WWP2: variants seen among roughly 807,000 people sequenced by gnomAD.
WWP2 encodes the protein NEDD4-like E3 ubiquitin-protein ligase WWP2.
Under a neutral mutation model 121.0 loss-of-function variants are expected in WWP2, and 57 were observed. The ratio of observed to expected loss-of-function variants is 0.47; its 90% CI spans 0.38 to 0.59. The LOEUF is 0.59. Among genes scored for constraint, WWP2 ranks in the 20% least tolerant of loss-of-function variants. The probability of loss-of-function intolerance (pLI) is 0.00; values close to 1 mark genes in which losing one functional copy is unlikely to be tolerated. For synonymous variants in WWP2, 449 were observed against 441.3 expected (o/e 1.02, Z -0.22); for missense variants, 962 against 1,158.9 (o/e 0.83, Z 2.47).
intron 11 of WWP2, among the ~76,000 whole-genome samples, chr16:69,928,937 G>C (rs2058674273): frequency 6.6e-6 from 1 of 152,156 alleles, no homozygotes; most frequent in Admixed American, 6.5e-5. Context: ...AGGGTGCAGA[G>C]CACTGATCAG....
rs769333666 is a variant in WWP2 at position 69,939,920 on chromosome 16, G to C, written c.2593G>C (p.Glu865Gln). The C allele has an allele frequency of 3.7e-6, 6 of 1,613,798 alleles. No homozygotes were observed. The highest frequency in any genetic ancestry group is 5.1e-6 in the Non-Finnish European group (6 of 1,179,878). ...EKLLYAIEET[E>Q]GFGQE ...GCTGCTGTATGCCATTGAGGAGACC[G>C]AGGGCTTTGGACAGGAGTAACCGAG... The change falls in exon 24 of 24, where the codon GAG (glutamate) becomes CAG (glutamine). Residue 865 changes from glutamate (E) to glutamine (Q), a missense_variant. Transcript: ENST00000359154.
chr16:69,851,192 A>AT (rs1238806989), intron 6 of WWP2, among the ~76,000 whole-genome samples: 8 of 141,130 alleles, frequency 5.7e-5, no homozygotes, highest in Non-Finnish European at 1.2e-4. Flanking sequence ...TTTTTTTTGT[A>AT]TTTTTAGTAG....
At chr16:69,909,111 A>G (rs183367286) in intron 9 of WWP2, 21 of 1,165,558 alleles carry the variant, frequency 1.8e-5, no homozygotes, top group Non-Finnish European at 2.2e-5. Context: ...GCCGTACCCT[A>G]TGCCCAGCCT....
intron 1 of WWP2, among the ~76,000 whole-genome samples, chr16:69,769,006 T>G (rs1334297203): frequency 1.3e-5 from 2 of 152,192 alleles, no homozygotes; most frequent in Non-Finnish European, 2.9e-5. Context: ...GACAGAGCTT[T>G]TCCTTGCATA....
At chr16:69,771,388 A>G (rs2055412016) in intron 1 of WWP2, among the ~76,000 whole-genome samples, 1 of 152,154 alleles carries the variant, frequency 6.6e-6, no homozygotes, top group Non-Finnish European at 1.5e-5. Context: ...CTGGGATTAC[A>G]GGTGCCTGCC....
At chr16:69,923,320 T>A (rs200202528) in intron 10 of WWP2, among the ~76,000 whole-genome samples, 1 of 33,556 alleles carries the variant, frequency 3.0e-5, no homozygotes, top group Non-Finnish European at 7.0e-5. Flanking sequence ...GTTGGGGGGG[T>A]GGGGGGGGTG....
At position 69,925,829 on chromosome 16, in the gene WWP2, A is replaced by G. The variant is rs557448497; in HGVS notation, c.1234+345A>G. Among the ~76,000 whole-genome samples the G allele has an allele frequency of 6.6e-6, 1 of 152,276 alleles. No individual in the cohort carries two copies. The highest frequency in any genetic ancestry group is 1.9e-4 in the East Asian group (1 of 5,180). ...TCCATGCTACCACTAAGATATTTTG[A>G]CACTGCCTAACTCCCAAATGGATTT... On this transcript the variant is annotated intron_variant, in intron 11 of 23. Coordinates refer to ENST00000359154, the MANE Select transcript of WWP2 (RefSeq NM_001270454.2). The surrounding 1 kb of genome is among the most constrained non-coding windows in gnomAD (Gnocchi z 4.0).
chr16:69,939,062 G>A lies in WWP2; in HGVS notation c.2379G>A (p.Arg793=). ...VKEMDNEKRI[R]LLQFVTGTCR... ...AGATGGACAACGAGAAGAGGATCCG[G>A]CTGCTGCAGTTTGTCACCGGTACCT... is the stretch of plus-strand genomic sequence containing the variant. Residue 793 remains arginine (R), a synonymous_variant, in exon 22 of 24, where the codon CGG becomes CGA. Transcript: ENST00000359154. 1 of 1,607,204 alleles carries A rather than the reference G, an allele frequency of 6.2e-7. No individual in the cohort carries two copies. The highest frequency in any genetic ancestry group is 8.5e-7 in the Non-Finnish European group (1 of 1,176,536).
chr16:69,778,372 C>T (rs2151780113), intron 1 of WWP2, among the ~76,000 whole-genome samples: 1 of 151,974 alleles, frequency 6.6e-6, no homozygotes, highest in East Asian at 1.9e-4. Flanking sequence ...TCCAGCAAAG[C>T]TTATGCTCAC....
At chr16:69,907,901 G>A (rs1052054981) in intron 8 of WWP2, among the ~76,000 whole-genome samples, 3 of 152,182 alleles carry the variant, frequency 2.0e-5, no homozygotes, top group East Asian at 1.9e-4. Context: ...AAATAAATGT[G>A]AGCATGAATA....
chr16:69,840,109 C>T lies in WWP2; in HGVS notation c.341-17C>T. 1.2e-6 allele frequency: 2 copies of T among 1,614,058 alleles called. No individual in the cohort carries two copies. The highest frequency in any genetic ancestry group is 1.7e-6 in the Non-Finnish European group (2 of 1,179,902). ...CATTCTCTTTAGCCCATCCATGTTGCCTTTTGTACCCCACAGTGGAGAACA... is the reference window on the plus strand; with the variant it reads ...CATTCTCTTTAGCCCATCCATGTTGTCTTTTGTACCCCACAGTGGAGAACA... On this transcript the variant is annotated splice_polypyrimidine_tract_variant and intron_variant, in intron 4 of 23. Coordinates refer to ENST00000359154, the MANE Select transcript of WWP2 (RefSeq NM_001270454.2).
rs935057738 is a variant in WWP2, at chr16:69,779,466, C to T, written c.-15-7530C>T. On this transcript the variant is annotated intron_variant, in intron 1 of 23. Coordinates refer to ENST00000359154, the MANE Select transcript of WWP2 (RefSeq NM_001270454.2). ...TGGTGATGTTTTATCTACCCTGTTT[C>T]TCCTGCCTTCCCAGTTGCCTTTGTT... 3.3e-5 allele frequency among the ~76,000 whole-genome samples: 5 copies of T among 152,350 alleles called. No homozygotes were observed. In the East Asian group the frequency reaches 9.6e-4, roughly 29 times the overall value.
chr16:69,916,448 C>G lies in WWP2; in HGVS notation c.1005-1261C>G, dbSNP rs539532671. ...TGAAGTTTTTGAGCAGGAGTGTGAC[C>G]GAAGGGCTCAGTCTAGTGGGTTACT... On this transcript the variant is annotated intron_variant, in intron 9 of 23. Transcript: ENST00000359154. Among the ~76,000 whole-genome samples, 15 of 152,134 alleles carry G rather than the reference C, an allele frequency of 9.9e-5. No individual in the cohort carries two copies. The South Asian group carries it at 3.1e-3, about 32-fold the overall frequency.
Position 69,939,004 on chromosome 16 carries a change from T to A in WWP2, c.2344-23T>A, listed in dbSNP as rs544738685. The A allele has an allele frequency of 4.4e-5, 69 of 1,585,356 alleles. No homozygotes were observed. The South Asian group carries it at 7.8e-4, about 18-fold the overall frequency. On this transcript the variant is annotated intron_variant, in intron 21 of 23. Coordinates refer to ENST00000359154, the MANE Select transcript of WWP2 (RefSeq NM_001270454.2). ...CTGGGCCCCGTGGGTTGCCTGACTG[T>A]GCCTTGACTTGCGGACTTCCAGGTG...
intron 4 of WWP2, among the ~76,000 whole-genome samples, chr16:69,806,284 G>T (rs1279414895): frequency 6.6e-6 from 1 of 152,208 alleles, no homozygotes; most frequent in Non-Finnish European, 1.5e-5. Context: ...AGTTGCTCAA[G>T]ATAGACTATT....
In WWP2 at chr16:69,931,842, A is replaced by G. The variant is rs372083781; in HGVS notation, c.1634A>G (p.Tyr545Cys). Residue 545 changes from tyrosine to cysteine, a missense_variant, in exon 16 of 24, where the codon TAC (tyrosine) becomes TGC (cysteine). Coordinates refer to ENST00000359154, the MANE Select transcript of WWP2 (RefSeq NM_001270454.2). ...CCCTATGACCTGCGCCGCCGGCTCT[A>G]CATCATCATGCGTGGCGAGGAGGGC... Reference protein sequence around the residue: ...MKPYDLRRRLYIIMRGEEGLD... With the variant: ...MKPYDLRRRLCIIMRGEEGLD... The G allele has an allele frequency of 4.3e-6, 7 of 1,613,782 alleles. No homozygotes were observed. The highest frequency in any genetic ancestry group is 5.9e-6 in the Non-Finnish European group (7 of 1,180,012).
Position 69,809,057 on chromosome 16 carries a change from G to A in WWP2, c.340+9762G>A, listed in dbSNP as rs574393805. Among the ~76,000 whole-genome samples, 6 of 152,316 alleles carry A rather than the reference G, an allele frequency of 3.9e-5. No homozygotes were observed. In the South Asian group the frequency reaches 1.2e-3, roughly 32 times the overall value. ...CAAACCCAGAGTTATTTAAGTGGAT[G>A]TTTTCCAGTGGTTATATTGTTTGTG... On this transcript the variant is annotated intron_variant, in intron 4 of 23. Coordinates refer to ENST00000359154, the MANE Select transcript of WWP2 (RefSeq NM_001270454.2).
Position 69,917,848 on chromosome 16 carries a change from G to C in WWP2, c.1144G>C (p.Ala382Pro). The C allele has an allele frequency of 6.2e-7, 1 of 1,613,302 alleles. No individual in the cohort carries two copies. Among genetic ancestry groups the C allele is most frequent in the South Asian group, 1.1e-5 (1 of 91,062 alleles). Residue 382 changes from alanine to proline, a missense_variant, in exon 10 of 24, where the codon GCC becomes CCC. Physicochemically the swap from Ala to Pro is conservative, Grantham distance 27. Coordinates refer to ENST00000359154, the MANE Select transcript of WWP2 (RefSeq NM_001270454.2). The part of the protein sequence containing the change: ...WQSQRNQLQG[A>P]MQHFSQRFLY... ...GTCGCAGCGGAATCAGCTCCAGGGG[G>C]CCATGCAGCACTTCAGCCAAAGATT...
chr16:69,800,665 A>G (rs1295873108), intron 4 of WWP2, among the ~76,000 whole-genome samples: 1 of 151,196 alleles, frequency 6.6e-6, no homozygotes, highest in East Asian at 2.0e-4. Flanking sequence ...CCCAGGTTCA[A>G]GCGATCCTAC....
Sources: allele counts gnomAD v4.1 joint callset (sites outside exome capture counted in the v4.1 genomes callset), GRCh38; gene constraint gnomAD v4.1.1; non-coding constraint Gnocchi (gnomAD v3.1); transcripts MANE v1.5; gene names NCBI Gene and HGNC (gene_info 2026-07-23, HGNC 2026-07-21).